Variants in PDXDC1 observed in about 807,000 individuals in gnomAD.
PDXDC1 encodes pyridoxal-dependent decarboxylase domain-containing protein 1.
A neutral mutation model predicts 100.1 loss-of-function variants in PDXDC1; 42 were observed. That is an observed-to-expected ratio of 0.42 (90% confidence interval 0.33 to 0.54). PDXDC1 has a LOEUF of 0.54. Ranked by LOEUF, PDXDC1 falls within the 20% of genes least tolerant of loss-of-function variation. The pLI is 0.10. For synonymous variants in PDXDC1, 260 were observed against 371.7 expected (o/e 0.70, Z 3.46); for missense variants, 636 against 979.2 (o/e 0.65, Z 4.68).
intron 16 of PDXDC1, among the ~76,000 whole-genome samples, chr16:15,065,880 C>G (rs1279571737): frequency 6.6e-6 from 1 of 152,194 alleles, no homozygotes; most frequent in Non-Finnish European, 1.5e-5. Context: ...ACGGGGTTGA[C>G]TAAGTCATGA....
intron 14 of PDXDC1, 116 bp from the exon 15 acceptor site, chr16:15,028,762 T>C (rs1174584928): frequency 2.2e-6 from 2 of 920,228 alleles, no homozygotes; most frequent in Non-Finnish European, 3.3e-6. Flanking sequence ...AATTCAGTAA[T>C]ACGAGTCAGT....
chr16:15,081,879 C>T (rs1271343203), intron 16 of PDXDC1, among the ~76,000 whole-genome samples: 1 of 152,110 alleles, frequency 6.6e-6, no homozygotes, highest in Non-Finnish European at 1.5e-5. Context: ...ATGTTCATAT[C>T]CACTTCTGCC....
chr16:15,038,304 T>A lies in PDXDC1; in HGVS notation c.*2029T>A. 1 of 883,268 alleles carries A rather than the reference T, an allele frequency of 1.1e-6. No homozygotes were observed. Among genetic ancestry groups the A allele is most frequent in the Non-Finnish European group, 1.7e-6 (1 of 574,752 alleles). 54.7% of individuals were successfully genotyped at this position (883,268 alleles called of 1,614,324 possible). On this transcript the variant is annotated 3_prime_UTR_variant, in exon 23 of 23. Coordinates refer to ENST00000396410, the MANE Select transcript of PDXDC1 (RefSeq NM_015027.4). Reference sequence around the variant, plus strand: ...AAGTATCTTTGTTCTTGGACACAAATATATATAATAAAATACGTTAAGAAA... The same window carrying A: ...AAGTATCTTTGTTCTTGGACACAAAAATATATAATAAAATACGTTAAGAAA...
chr16:15,021,981 G>T (rs1451175515), intron 12 of PDXDC1, among the ~76,000 whole-genome samples: 1 of 152,290 alleles, frequency 6.6e-6, no homozygotes, highest in Non-Finnish European at 1.5e-5. Flanking sequence ...AGTGTATTCA[G>T]AATTAATTTT....
At chr16:15,146,534 GT>G in the PDXDC1 span, among the ~76,000 whole-genome samples, 1 of 152,144 alleles carries the variant, frequency 6.6e-6, no homozygotes, top group Admixed American at 6.5e-5. Flanking sequence ...ACACCCAGAG[GT>G]AGGCACAAGC....
At chr16:15,041,910 C>G (rs1255009044), downstream of PDXDC1, among the ~76,000 whole-genome samples, 1 of 152,180 alleles carries the variant, frequency 6.6e-6, no homozygotes, top group Non-Finnish European at 1.5e-5. Flanking sequence ...CCGAAGGAGC[C>G]TGGGCTGAGC....
At chr16:14,986,194 T>C (rs536042303) in intron 1 of PDXDC1, among the ~76,000 whole-genome samples, 17 of 152,340 alleles carry the variant, frequency 1.1e-4, no homozygotes, top group African/African-American at 4.1e-4. Context: ...CAGTTCTGGC[T>C]GGGTGCAGAG....
intron 16 of PDXDC1, chr16:15,127,827 G>C: frequency 1.3e-6 from 2 of 1,562,966 alleles, no homozygotes; most frequent in Non-Finnish European, 1.7e-6. Context: ...AGAGCCAGAT[G>C]TGCTTGTCAA....
At chr16:15,033,645 T>C (rs1237597926) in intron 19 of PDXDC1, among the ~76,000 whole-genome samples, 2 of 152,202 alleles carry the variant, frequency 1.3e-5, no homozygotes, top group Admixed American at 1.3e-4. Flanking sequence ...GTAGTAACCC[T>C]GCCTTAGAGA....
intron 16 of PDXDC1, among the ~76,000 whole-genome samples, chr16:15,073,956 A>G (rs1567199780): frequency 6.6e-6 from 1 of 152,176 alleles, no homozygotes; most frequent in Non-Finnish European, 1.5e-5. Context: ...ATCCATGTAA[A>G]GGGCAGATTA....
intron 16 of PDXDC1, among the ~76,000 whole-genome samples, chr16:15,082,002 A>G (rs1200819313): frequency 6.6e-6 from 1 of 152,090 alleles, no homozygotes; most frequent in Non-Finnish European, 1.5e-5. Context: ...TTATCTCTAA[A>G]ATTTCTTGTG....
intron 16 of PDXDC1, among the ~76,000 whole-genome samples, chr16:15,102,906 C>G (rs2046612526): frequency 1.3e-5 from 2 of 148,954 alleles, no homozygotes; most frequent in South Asian, 4.2e-4. Flanking sequence ...CATTGCACTC[C>G]AGCCTGAGCA....
intron 16 of PDXDC1, among the ~76,000 whole-genome samples, chr16:15,082,833 C>T (rs1461159422): frequency 2.0e-5 from 3 of 152,132 alleles, no homozygotes; most frequent in African/African-American, 7.2e-5. Context: ...TGTACAAAAA[C>T]TTAAGCAGAA....
At chr16:15,048,033 G>C (rs1157774285) in intron 16 of PDXDC1, 1 of 1,613,452 alleles carries the variant, frequency 6.2e-7, no homozygotes, top group Non-Finnish European at 8.5e-7. Context: ...TCTCTTTGCT[G>C]AACATACAGA....
intron 16 of PDXDC1, among the ~76,000 whole-genome samples, chr16:15,063,792 A>G (rs1054084049): frequency 6.6e-6 from 1 of 152,054 alleles, no homozygotes; most frequent in African/African-American, 2.4e-5. Context: ...TCTGTATAAG[A>G]GTTCATTCAC....
At chr16:14,988,822 G>T in intron 1 of PDXDC1, 2 of 1,613,948 alleles carry the variant, frequency 1.2e-6, no homozygotes, top group South Asian at 2.2e-5. Flanking sequence ...AGGATGCCTG[G>T]GGCACCCACC....
the PDXDC1 span, among the ~76,000 whole-genome samples, chr16:15,149,375 G>A: frequency 6.6e-6 from 1 of 152,310 alleles, no homozygotes; most frequent in Non-Finnish European, 1.5e-5. Context: ...TTCTGCTGAG[G>A]GCTCATGGAG....
intron 16 of PDXDC1, among the ~76,000 whole-genome samples, chr16:15,049,819 G>A (rs536523090): frequency 1.3e-5 from 2 of 152,208 alleles, no homozygotes; most frequent in Admixed American, 6.5e-5. Flanking sequence ...TAACTGCACA[G>A]TCATGAGAAA....
At chr16:15,082,658 C>G (rs1379539101) in intron 16 of PDXDC1, among the ~76,000 whole-genome samples, 2 of 151,004 alleles carry the variant, frequency 1.3e-5, no homozygotes, top group Admixed American at 6.6e-5. Flanking sequence ...GGGTGACAGA[C>G]GGAGACTGTC....
Sources: allele counts gnomAD v4.1 joint callset (sites outside exome capture counted in the v4.1 genomes callset), GRCh38; gene constraint gnomAD v4.1.1; transcripts MANE v1.5; gene names NCBI Gene and HGNC (gene_info 2026-07-23, HGNC 2026-07-21).